The following PTPRH variants were observed in gnomAD, a reference collection of about 807,000 sequenced individuals.
PTPRH encodes the protein protein tyrosine phosphatase receptor type H.
In PTPRH, 113 loss-of-function variants were observed where a neutral mutation model predicts 130.2. The ratio of observed to expected loss-of-function variants is 0.87; its 90% CI spans 0.75 to 1.01. The LOEUF is 1.01. Ranked by LOEUF, PTPRH falls within the 50% of genes least tolerant of loss-of-function variation. The probability of loss-of-function intolerance (pLI) is 0.00; values close to 1 mark genes in which losing one functional copy is unlikely to be tolerated. For synonymous variants in PTPRH, 556 were observed against 577.9 expected (o/e 0.96, Z 0.54); for missense variants, 1,430 against 1,425.0 (o/e 1.00, Z -0.06).
chr19:55,206,094 A>G (rs559048786), intron 3 of PTPRH, among the ~76,000 whole-genome samples: 12 of 152,048 alleles, frequency 7.9e-5, no homozygotes, highest in East Asian at 7.8e-4. Context: ...TTAGTTGGGC[A>G]TGGTGGCACA....
intron 6 of PTPRH, among the ~76,000 whole-genome samples, chr19:55,200,930 G>A (rs1433330449): frequency 7.3e-5 from 11 of 149,770 alleles, no homozygotes; most frequent in African/African-American, 1.7e-4. Flanking sequence ...GCGACACAGC[G>A]AGACTCCGTC....
At chr19:55,205,950 C>T (rs2087037152) in intron 3 of PTPRH, among the ~76,000 whole-genome samples, 2 of 152,140 alleles carry the variant, frequency 1.3e-5, no homozygotes, top group Admixed American at 1.3e-4. Context: ...TACCTTGTAT[C>T]TGCCAGGTGC....
Position 55,188,079 on chromosome 19 carries a change from TG to T in PTPRH, c.2473del (p.Gln825SerfsTer39). The T allele has an allele frequency of 6.2e-7, 1 of 1,613,396 alleles. No homozygotes were observed. The highest frequency in any genetic ancestry group is 2.2e-5 in the East Asian group (1 of 44,864). On this transcript the variant is annotated frameshift_variant and splice_region_variant, in exon 13 of 20. Transcript: ENST00000376350. Reference sequence around the variant, plus strand: ...TCAGCCCCTCTGTCCTCTCCCCACCTGGTACTCGTCTGCAAAACCACAGTTG... The same window carrying T: ...TCAGCCCCTCTGTCCTCTCCCCACCTGTACTCGTCTGCAAAACCACAGTTG... ...DSNCGFADEYQQLSLVGHSQS... is the reference protein window; with the variant it reads ...DSNCGFADEYXQLSLVGHSQS...
At chr19:55,188,243 T>C (rs903629890) in intron 12 of PTPRH, 75 bp from the exon 13 acceptor site, 3 of 1,213,748 alleles carry the variant, frequency 2.5e-6, no homozygotes, top group African/African-American at 3.0e-5. Flanking sequence ...CTGGGCATGG[T>C]GGCTCACGCC....
intron 13 of PTPRH, 62 bp from the exon 14 acceptor site, chr19:55,187,665 C>T: frequency 1.7e-6 from 2 of 1,207,792 alleles, no homozygotes; most frequent in Non-Finnish European, 2.5e-6. Flanking sequence ...CTCGGGGGTA[C>T]CCCCGAGCTC....
intron 18 of PTPRH, among the ~76,000 whole-genome samples, chr19:55,184,993 A>G (rs567917891): frequency 6.8e-6 from 1 of 147,538 alleles, no homozygotes; most frequent in East Asian, 2.0e-4. Context: ...TTACCTTTTC[A>G]TCTTTCTTTT....
At chr19:55,199,696 A>G (rs1014092469) in intron 7 of PTPRH, among the ~76,000 whole-genome samples, 4 of 146,746 alleles carry the variant, frequency 2.7e-5, no homozygotes, top group East Asian at 4.3e-4. Flanking sequence ...GAGAGAAAGG[A>G]AGGGAGGGAG....
At position 55,195,916 on chromosome 19, in the gene PTPRH, A is replaced by T. The variant is rs896936446; in HGVS notation, c.2257+606T>A. ...ACGTCCCAGAGAGGCAAATCTATAGAGATTGAAAGTGGATGAGAGATTTCC... is the reference window on the plus strand; with the variant it reads ...ACGTCCCAGAGAGGCAAATCTATAGTGATTGAAAGTGGATGAGAGATTTCC... On this transcript the variant is annotated intron_variant, in intron 10 of 19. Transcript: ENST00000376350. Among the ~76,000 whole-genome samples, 3 of 151,380 alleles carry T rather than the reference A, an allele frequency of 2.0e-5. No individual in the cohort carries two copies. The South Asian group carries it at 6.3e-4, about 32-fold the overall frequency.
chr19:55,204,608 C>G (rs1368766585), intron 4 of PTPRH, among the ~76,000 whole-genome samples: 2 of 152,008 alleles, frequency 1.3e-5, no homozygotes, highest in African/African-American at 2.4e-5. Flanking sequence ...TTTTCTCCCC[C>G]ACCAGTGTCA....
intron 6 of PTPRH, 50 bp from the exon 7 acceptor site, chr19:55,200,552 C>T (rs746680519): frequency 4.3e-5 from 69 of 1,588,886 alleles, no homozygotes; most frequent in Non-Finnish European, 5.2e-5. Flanking sequence ...CAGAACAGAA[C>T]GGGGCAGGAG....
At chr19:55,191,360 C>T (rs571909412) in intron 12 of PTPRH, 141 bp downstream of exon 12, 4 of 959,540 alleles carry the variant, frequency 4.2e-6, no homozygotes, top group Non-Finnish European at 6.5e-6. Flanking sequence ...GGGCCGTGGT[C>T]CCTGTCGCAG....
rs367574770 is a variant in PTPRH, at chr19:55,209,449, C to T, written c.-16G>A. On this transcript the variant is annotated 5_prime_UTR_variant, in exon 1 of 20. Transcript: ENST00000376350. The surrounding 1 kb of genome is among the most constrained non-coding windows in gnomAD (Gnocchi z 4.1). ...CCCCAGCCATGCCTCCAGACACTGC[C>T]GGGGACCCAGGAGTCCCAGGCCTAG... 142 of 1,543,492 alleles carry T rather than the reference C, an allele frequency of 9.2e-5. No individual in the cohort carries two copies. In the African/African-American group the frequency reaches 1.1e-3, roughly 12 times the overall value.
At position 55,196,620 on chromosome 19, in the gene PTPRH, C is replaced by G; in HGVS notation, c.2159G>C (p.Gly720Ala). The G allele has an allele frequency of 1.9e-6, 3 of 1,613,896 alleles. No homozygotes were observed. Among genetic ancestry groups the G allele is most frequent in the Non-Finnish European group, 2.5e-6 (3 of 1,179,984 alleles). Residue 720 changes from glycine to alanine, a missense_variant, in exon 10 of 20, where the codon GGT (glycine) becomes GCT (alanine). Physicochemically the swap from Gly to Ala is moderately conservative, Grantham distance 60. Transcript: ENST00000376350. Reference sequence around the variant, plus strand: ...TGGGTAGGACCGAGCCGGCCCGAGACCCAACACAGACACAGCCTCCCCACA... The same window carrying G: ...TGGGTAGGACCGAGCCGGCCCGAGAGCCAACACAGACACAGCCTCCCCACA... ...SSCGEAVSVL[G>A]LGPARSYPAT... is the part of the protein sequence containing the mutation.
rs561329758 is a variant in PTPRH, at chr19:55,197,259, C to A, written c.1848G>T (p.Ala616=). The A allele has an allele frequency of 6.2e-7, 1 of 1,614,146 alleles. No individual in the cohort carries two copies. The highest frequency in any genetic ancestry group is 1.3e-5 in the African/African-American group (1 of 74,950). The change falls in exon 9 of 20, where the codon GCG becomes GCT. Residue 616 remains alanine (A), a synonymous_variant. Transcript: ENST00000376350. ...GHPRRGQDPQ[A]NWVNQTSRTN... ...TCCTGCTGGTCTGGTTGACCCAATT[C>A]GCTTGGGGATCTTGCCCCCTCCGGG...
intron 7 of PTPRH, among the ~76,000 whole-genome samples, chr19:55,199,454 G>C (rs2086788177): frequency 6.6e-6 from 1 of 152,048 alleles, no homozygotes; most frequent in Non-Finnish European, 1.5e-5. Flanking sequence ...AAAATACACA[G>C]ATTAGCTGGG....
intron 14 of PTPRH, 116 bp downstream of exon 14, chr19:55,187,397 G>T: frequency 4.0e-6 from 2 of 494,082 alleles, no homozygotes; most frequent in Non-Finnish European, 3.5e-6. Flanking sequence ...AAAAAAAAAA[G>T]GAGACCCACG....
intron 13 of PTPRH, 58 bp from the exon 14 acceptor site, chr19:55,187,661 G>C: frequency 7.4e-7 from 1 of 1,351,266 alleles, no homozygotes; most frequent in African/African-American, 1.4e-5. Context: ...TTCCCTCGGG[G>C]GTACCCCCGA....
In PTPRH at chr19:55,186,277, TC is replaced by T; in HGVS notation, c.2725del (p.Glu909AsnfsTer10). On this transcript the variant is annotated frameshift_variant, in exon 16 of 20. Transcript: ENST00000376350. ...CATGACCAGGGTGTGGCTCTGCTGT[TC>T]CCACACCAGGCGCCAGAAGTCACCC... Reference protein sequence around the residue: ...TVGDFWRLVWEQQSHTLVMLT... With the variant: ...TVGDFWRLVWXQQSHTLVMLT... 1 of 1,613,996 alleles carries T rather than the reference TC, an allele frequency of 6.2e-7. No homozygotes were observed. The highest frequency in any genetic ancestry group is 8.5e-7 in the Non-Finnish European group (1 of 1,179,946).
At chr19:55,196,383 C>T in intron 10 of PTPRH, 139 bp downstream of exon 10, 2 of 1,187,822 alleles carry the variant, frequency 1.7e-6, no homozygotes, top group Non-Finnish European at 2.3e-6. Context: ...AGCAAAACTC[C>T]ATCTCAAAAT....
Sources: allele counts gnomAD v4.1 joint callset (sites outside exome capture counted in the v4.1 genomes callset), GRCh38; gene constraint gnomAD v4.1.1; non-coding constraint Gnocchi (gnomAD v3.1); transcripts MANE v1.5; gene names NCBI Gene and HGNC (gene_info 2026-07-23, HGNC 2026-07-21).